The following NALF1 variants were observed in gnomAD, a reference collection of about 807,000 sequenced individuals.
NALF1 encodes NALCN channel auxiliary factor 1.
In NALF1, 3 loss-of-function variants were observed where a neutral mutation model predicts 48.4. That is an observed-to-expected ratio of 0.06 (90% CI 0.03 to 0.16). The LOEUF (loss-of-function observed/expected upper bound fraction) is 0.16, where lower values mean the gene tolerates loss of function less well. NALF1 is among the 10% of genes least tolerant of loss of function. The probability of loss-of-function intolerance (pLI) is 1.00; values close to 1 mark genes in which losing one functional copy is unlikely to be tolerated. For synonymous variants in NALF1, 262 were observed against 245.7 expected (o/e 1.07, Z -0.62); for missense variants, 526 against 571.5 (o/e 0.92, Z 0.81).
chr13:107,783,440 G>T (rs1040372536), intron 1 of NALF1, among the ~76,000 whole-genome samples: 4 of 152,202 alleles, frequency 2.6e-5, no homozygotes, highest in African/African-American at 7.2e-5. Context: ...GGCAGGGAAA[G>T]GATTGAGAAA....
At position 107,269,913 on chromosome 13, in the gene NALF1, A is replaced by ATT. The variant is rs71121514; in HGVS notation, c.916-59160_916-59159dup. Among the ~76,000 whole-genome samples the ATT allele has an allele frequency of 7.3e-3, 654 of 89,010 alleles. 57 individuals are homozygous for ATT. The highest frequency in any genetic ancestry group is 0.019 in the African/African-American group (384 of 20,748). The allele number at this position is 89,010 out of a possible 152,430, so 58.4% of individuals were successfully genotyped here. A position where few individuals can be genotyped will look rare whatever the true frequency, so the allele number is the denominator to read the frequency against. On this transcript the variant is annotated intron_variant, in intron 1 of 2. Transcript: ENST00000375915. ...AGGTGCCCACCACCACGCCCGGCTA[A>ATT]TTTTTTTTTTTTTTTTTTTTTTTTT... is the stretch of plus-strand genomic sequence containing the variant.
chr13:107,800,864 T>C (rs1878592765), intron 1 of NALF1, among the ~76,000 whole-genome samples: 1 of 151,578 alleles, frequency 6.6e-6, no homozygotes, highest in African/African-American at 2.4e-5. Flanking sequence ...TAAGTTATAG[T>C]ATGATGTCTC....
At chr13:107,392,692 TGC>T (rs1883647551) in intron 1 of NALF1, among the ~76,000 whole-genome samples, 2 of 149,892 alleles carry the variant, frequency 1.3e-5, no homozygotes, top group South Asian at 2.1e-4. Flanking sequence ...TGTGTGTGTG[TGC>T]GCGTGCATGC....
At chr13:107,593,298 GA>G in intron 1 of NALF1, among the ~76,000 whole-genome samples, 1 of 151,752 alleles carries the variant, frequency 6.6e-6, no homozygotes, top group Non-Finnish European at 1.5e-5. Context: ...TTTACCTGAT[GA>G]AAATGATATT....
intron 1 of NALF1, among the ~76,000 whole-genome samples, chr13:107,493,504 C>A (rs1460711612): frequency 6.6e-6 from 1 of 151,964 alleles, no homozygotes; most frequent in Non-Finnish European, 1.5e-5. Context: ...ATATTGACCG[C>A]AGTAAAATCA....
At chr13:107,257,265 A>G (rs1880835777) in intron 1 of NALF1, among the ~76,000 whole-genome samples, 1 of 152,138 alleles carries the variant, frequency 6.6e-6, no homozygotes, top group Non-Finnish European at 1.5e-5. Flanking sequence ...GAGCCGAACC[A>G]TGTTAGTTGT....
At chr13:107,192,656 CT>C (rs34354437) in intron 2 of NALF1, among the ~76,000 whole-genome samples, 45,454 of 152,030 alleles carry the variant, frequency 0.3, 8,261 homozygotes, top group Non-Finnish European at 0.4. Flanking sequence ...ATATCTATTA[CT>C]GAAGTTATGC....
At chr13:107,389,740 T>A (rs1040853267) in intron 1 of NALF1, among the ~76,000 whole-genome samples, 2 of 152,154 alleles carry the variant, frequency 1.3e-5, no homozygotes, top group African/African-American at 2.4e-5. Context: ...GTCTCTTTTG[T>A]TCACTGAAGA....
At chr13:107,266,873 C>T (rs1204596846) in intron 1 of NALF1, among the ~76,000 whole-genome samples, 3 of 152,198 alleles carry the variant, frequency 2.0e-5, no homozygotes, top group Admixed American at 6.5e-5. Flanking sequence ...ATGACTGTAG[C>T]ATGGGCTGGG....
chr13:107,677,102 A>T (rs1254625287), intron 1 of NALF1, among the ~76,000 whole-genome samples: 3 of 152,186 alleles, frequency 2.0e-5, no homozygotes, highest in African/African-American at 7.2e-5. Flanking sequence ...GCTGGAGTGC[A>T]GTGGTGCAAT....
At chr13:107,749,874 C>T (rs1045521659) in intron 1 of NALF1, among the ~76,000 whole-genome samples, 1 of 151,926 alleles carries the variant, frequency 6.6e-6, no homozygotes, top group Non-Finnish European at 1.5e-5. Context: ...GGCTGGAATG[C>T]AGTGGTGAGA....
intron 1 of NALF1, among the ~76,000 whole-genome samples, chr13:107,279,460 T>C (rs1881346224): frequency 6.6e-6 from 1 of 152,166 alleles, no homozygotes; most frequent in Non-Finnish European, 1.5e-5. Flanking sequence ...TTCATCATAT[T>C]GGTCAGGCTG....
intron 1 of NALF1, among the ~76,000 whole-genome samples, chr13:107,826,469 G>A (rs1222317519): frequency 6.6e-6 from 1 of 152,204 alleles, no homozygotes; most frequent in African/African-American, 2.4e-5. Context: ...GAAAGAGCGG[G>A]AAAAGGCATC....
At chr13:107,832,390 T>C (rs1879763468) in intron 1 of NALF1, among the ~76,000 whole-genome samples, 1 of 152,136 alleles carries the variant, frequency 6.6e-6, no homozygotes, top group South Asian at 2.1e-4. Flanking sequence ...TGCATAAATA[T>C]ATACATGCAC....
intron 1 of NALF1, among the ~76,000 whole-genome samples, chr13:107,797,362 T>C (rs573858319): frequency 6.6e-5 from 10 of 152,002 alleles, no homozygotes; most frequent in Admixed American, 5.2e-4. Context: ...CCCACCACCA[T>C]GCCCGGCTAA....
intron 1 of NALF1, among the ~76,000 whole-genome samples, chr13:107,669,360 T>C (rs1880937271): frequency 6.6e-6 from 1 of 152,148 alleles, no homozygotes; most frequent in African/African-American, 2.4e-5. Flanking sequence ...GCTTGAAAAC[T>C]AGAAAATGTG....
At chr13:107,601,160 A>G (rs1327685417) in intron 1 of NALF1, among the ~76,000 whole-genome samples, 2 of 152,074 alleles carry the variant, frequency 1.3e-5, no homozygotes, top group African/African-American at 4.8e-5. Flanking sequence ...AGTGGGCCAG[A>G]TTGTGCAATG....
chr13:107,617,698 G>A (rs561449251), intron 1 of NALF1, among the ~76,000 whole-genome samples: 1 of 152,292 alleles, frequency 6.6e-6, no homozygotes, highest in East Asian at 1.9e-4. Context: ...CAGGACAAGT[G>A]CAAAGAAGGC....
At chr13:107,413,904 A>G (rs1029077264) in intron 1 of NALF1, among the ~76,000 whole-genome samples, 1 of 152,142 alleles carries the variant, frequency 6.6e-6, no homozygotes, top group Admixed American at 6.5e-5. Flanking sequence ...CTCCTGCCTC[A>G]GTCTCCCAAG....
Sources: gnomAD v4.1 joint callset for allele counts (sites outside exome capture counted in the v4.1 genomes callset) on GRCh38, gnomAD v4.1.1 for gene constraint, MANE v1.5 for transcripts, NCBI Gene and HGNC (gene_info 2026-07-23, HGNC 2026-07-21) for gene names.